The following ISM2 variants were observed in gnomAD, a reference collection of about 807,000 sequenced individuals.
ISM2 encodes isthmin 2.
ISM2 carries 50 observed loss-of-function variants against 58.0 expected under a neutral mutation model. The observed-to-expected ratio is 0.86, with a 90% CI of 0.69 to 1.09. The LOEUF (loss-of-function observed/expected upper bound fraction) is 1.09. ISM2 is among the 50% of genes least tolerant of loss of function. The pLI, the probability that ISM2 is intolerant of heterozygous loss-of-function variation, is 0.00. For synonymous variants in ISM2, 303 were observed against 312.4 expected (o/e 0.97, Z 0.32); for missense variants, 723 against 745.0 (o/e 0.97, Z 0.34).
At chr14:77,480,588 C>T (rs1439710254) in intron 4 of ISM2, among the ~76,000 whole-genome samples, 7 of 128,572 alleles carry the variant, frequency 5.4e-5, no homozygotes, top group African/African-American at 1.5e-4. Flanking sequence ...GACAGGGTCT[C>T]GCTCTGTCAC....
chr14:77,491,691 C>CT (rs777579764), intron 1 of ISM2, among the ~76,000 whole-genome samples: 2,003 of 105,164 alleles, frequency 0.019, 25 homozygotes, highest in African/African-American at 0.027. Flanking sequence ...CGCGTCTGGT[C>CT]TTTTTTTTTT....
intron 1 of ISM2, among the ~76,000 whole-genome samples, chr14:77,490,959 G>C (rs1000918174): frequency 3.3e-5 from 5 of 152,224 alleles, no homozygotes; most frequent in Non-Finnish European, 5.9e-5. Flanking sequence ...CCACAGGCTT[G>C]GCACCACACA....
At chr14:77,477,148 GA>G (rs1460790035) in intron 6 of ISM2, among the ~76,000 whole-genome samples, 3 of 152,200 alleles carry the variant, frequency 2.0e-5, no homozygotes, top group Non-Finnish European at 4.4e-5. Context: ...CAGGGAAGGG[GA>G]AAACACTGCA....
intron 1 of ISM2, among the ~76,000 whole-genome samples, chr14:77,488,064 A>G (rs994372985): frequency 2.6e-5 from 4 of 152,158 alleles, no homozygotes; most frequent in Non-Finnish European, 1.5e-5. Flanking sequence ...CACATCTTAC[A>G]CACCAGGCCT....
In ISM2 at chr14:77,478,246, A is replaced by G. The variant is rs1566752834; in HGVS notation, c.1194T>C (p.Asp398=). ...CAAGCCTAGCCCCTCACTCACCTTG[A>G]TCATGCATGTCCGTAGCATTGCGGG... ...LLARNATDMH[D]QDVDSCEKWL... is the part of the protein sequence containing the mutation. The change falls in exon 6 of 7, where the codon GAT becomes GAC. Residue 398 remains aspartate, a synonymous_variant. Coordinates refer to ENST00000342219, the MANE Select transcript of ISM2 (RefSeq NM_199296.3). 6.2e-7 allele frequency: 1 copy of G among 1,613,742 alleles called. No individual in the cohort carries two copies. Among genetic ancestry groups the G allele is most frequent in the African/African-American group, 1.3e-5 (1 of 74,878 alleles).
At position 77,475,697 on chromosome 14, in the gene ISM2, G is replaced by A; in HGVS notation, c.1614C>T (p.Ser538=). Residue 538 remains serine, a synonymous_variant, in exon 7 of 7, where the codon AGC becomes AGT. Coordinates refer to ENST00000342219, the MANE Select transcript of ISM2 (RefSeq NM_199296.3). This position sits in a 1 kb window ranked among gnomAD's most constrained non-coding sequence, Gnocchi z 4.1. The stretch of plus-strand genomic sequence containing the variant: ...TGGGAGGGAGCACAGCGTGGAGGCG[G>A]CTCCAGTCCCCCTTGCACAGGATCC... ...TPWILCKGDW[S]RLHAVLPPNN... 6.2e-7 allele frequency: 1 copy of A among 1,614,092 alleles called. No homozygotes were observed. Among genetic ancestry groups the A allele is most frequent in the Non-Finnish European group, 8.5e-7 (1 of 1,180,018 alleles).
rs2079094389 is a variant in ISM2, at chr14:77,475,856, G to A, written c.1455C>T (p.Ser485=). The A allele has an allele frequency of 2.5e-6, 4 of 1,609,578 alleles. 1 individual carries two copies. In the South Asian group the frequency reaches 3.3e-5, roughly 13 times the overall value. Residue 485 remains serine (S), a synonymous_variant, in exon 7 of 7, where the codon AGC becomes AGT. Transcript: ENST00000342219. This position sits in a 1 kb window ranked among gnomAD's most constrained non-coding sequence, Gnocchi z 4.1. ...CLRSMLSGES[S]TLAAQHCCYD... is the part of the protein sequence containing the mutation. ...AGCAGCAGTGCTGGGCGGCCAGTGT[G>A]CTGCTCTCCCCAGACAGCATGGAAC... is the stretch of plus-strand genomic sequence containing the variant.
chr14:77,476,777 C>T (rs1246222692), intron 6 of ISM2, among the ~76,000 whole-genome samples: 1 of 152,204 alleles, frequency 6.6e-6, no homozygotes, highest in East Asian at 1.9e-4. Context: ...GGGCCAGGCG[C>T]GATGGCTCAC....
Position 77,482,283 on chromosome 14 carries a change from AG to A in ISM2, c.973+38del, listed in dbSNP as rs771986136. ...ACCCCCATTTCCACTCAGTACCTAC[AG>A]GGGAGCAGCCTGGGGATGCCAAGAT... On this transcript the variant is annotated intron_variant, in intron 4 of 6. Coordinates refer to ENST00000342219, the MANE Select transcript of ISM2 (RefSeq NM_199296.3). The A allele has an allele frequency of 2.6e-6, 4 of 1,512,912 alleles. No homozygotes were observed. In the Admixed American group the frequency reaches 6.9e-5, roughly 26 times the overall value. 93.7% of individuals were successfully genotyped at this position (1,512,912 alleles called of 1,614,324 possible).
chr14:77,497,763 G>C (rs1268979164), intron 1 of ISM2, among the ~76,000 whole-genome samples: 2 of 91,630 alleles, frequency 2.2e-5, no homozygotes, highest in Non-Finnish European at 4.4e-5. Flanking sequence ...GGGAGGGAGG[G>C]AGGGAGGGAA....
intron 3 of ISM2, among the ~76,000 whole-genome samples, chr14:77,483,646 G>GTGTGTGTGTGTGTC (rs2079147505): frequency 6.6e-6 from 1 of 151,086 alleles, no homozygotes; most frequent in Admixed American, 6.6e-5. Context: ...GTGTGTGCGT[G>GTGTGTGTGTGTGTC]TGTGTGTGTG....
intron 1 of ISM2, among the ~76,000 whole-genome samples, chr14:77,495,145 C>T (rs1356635020): frequency 6.6e-6 from 1 of 152,166 alleles, no homozygotes; most frequent in Non-Finnish European, 1.5e-5. Context: ...CCACCTTGGC[C>T]TCCCAAAGTG....
chr14:77,496,186 C>A (rs370717984), intron 1 of ISM2, among the ~76,000 whole-genome samples: 50,395 of 118,154 alleles, frequency 0.43, 9,956 homozygotes, highest in African/African-American at 0.55. Flanking sequence ...GACTCCATGC[C>A]AAAAAAAAAA....
At chr14:77,492,781 A>G (rs536134437) in intron 1 of ISM2, among the ~76,000 whole-genome samples, 11 of 152,204 alleles carry the variant, frequency 7.2e-5, no homozygotes, top group African/African-American at 2.6e-4. Context: ...GCTGAAGCAG[A>G]CAGATCTTCT....
intron 1 of ISM2, among the ~76,000 whole-genome samples, chr14:77,490,114 C>T (rs2079193394): frequency 2.0e-5 from 3 of 152,060 alleles, no homozygotes; most frequent in African/African-American, 7.2e-5. Context: ...CCGCCCTCCT[C>T]GGCCTCCCAA....
chr14:77,498,584 G>A (rs895509845), intron 1 of ISM2, 69 bp downstream of exon 1: 3 of 1,390,872 alleles, frequency 2.2e-6, no homozygotes, highest in Middle Eastern at 2.5e-4. Flanking sequence ...TCCCCGCACG[G>A]CTGGAGCCGG....
In ISM2 at chr14:77,486,969, C is replaced by T. The variant is rs117693294; in HGVS notation, c.142-2050G>A. Among the ~76,000 whole-genome samples the T allele has an allele frequency of 1.6e-4, 24 of 151,830 alleles. No homozygotes were observed. In the East Asian group the frequency reaches 4.4e-3, roughly 28 times the overall value. ...AAGAAAGCATGCTCTAGGCCAGGCACGGTGGCTCACGCCTGTAATCCTAGC... is the reference window on the plus strand; with the variant it reads ...AAGAAAGCATGCTCTAGGCCAGGCATGGTGGCTCACGCCTGTAATCCTAGC... On this transcript the variant is annotated intron_variant, in intron 1 of 6. Transcript: ENST00000342219.
rs201070386 is a variant in ISM2 at position 77,481,943 on chromosome 14, T to TA, written c.973+378dup. 5.2e-3 allele frequency among the ~76,000 whole-genome samples: 783 copies of TA among 151,168 alleles called. 25 individuals are homozygous for TA. The East Asian group carries it at 0.11, about 21-fold the overall frequency. ...AGGGAGACCTCATCACTACTAAAAA[T>TA]AAAAAAATTAGCCTGCCCTGGTGGT... is the stretch of plus-strand genomic sequence containing the variant. On this transcript the variant is annotated intron_variant, in intron 4 of 6. Transcript: ENST00000342219.
Position 77,484,551 on chromosome 14 carries a change from T to G in ISM2, c.399A>C (p.Pro133=), listed in dbSNP as rs764553243. 8 of 1,594,446 alleles carry G rather than the reference T, an allele frequency of 5.0e-6. No individual in the cohort carries two copies. Among genetic ancestry groups the G allele is most frequent in the Admixed American group, 1.7e-5 (1 of 58,220 alleles). Reference sequence around the variant, plus strand: ...CCTCTTCCCTCAGAGGCCTAGGATCTGGGGAGGCTGAAGCCTGAGGAAGAG... The same window carrying G: ...CCTCTTCCCTCAGAGGCCTAGGATCGGGGGAGGCTGAAGCCTGAGGAAGAG... ...PNPDTQASAS[P]DPRPLREEEE... The change falls in exon 3 of 7, where the codon CCA becomes CCC. Residue 133 remains proline, a synonymous_variant. Transcript: ENST00000342219.
Sources: gnomAD v4.1 joint callset for allele counts (sites outside exome capture counted in the v4.1 genomes callset) on GRCh38, gnomAD v4.1.1 for gene constraint, Gnocchi (gnomAD v3.1) non-coding constraint, MANE v1.5 for transcripts, NCBI Gene and HGNC (gene_info 2026-07-23, HGNC 2026-07-21) for gene names.